The following CDH20 variants were observed in gnomAD, a reference collection of about 807,000 sequenced individuals.
CDH20 encodes the protein cadherin 20.
Under a neutral mutation model 74.2 loss-of-function variants are expected in CDH20, and 29 were observed. That is an observed-to-expected ratio of 0.39 (90% CI 0.29 to 0.53). The LOEUF is 0.53. CDH20 is among the 20% of genes least tolerant of loss of function. CDH20 has a pLI of 0.69. For synonymous variants in CDH20, 469 were observed against 405.4 expected (o/e 1.16, Z -1.88); for missense variants, 988 against 1,048.3 (o/e 0.94, Z 0.79).
chr18:61,471,697 G>A (rs72993709), intron 1 of CDH20, among the ~76,000 whole-genome samples: 1 of 152,050 alleles, frequency 6.6e-6, no homozygotes, highest in African/African-American at 2.4e-5. Context: ...AATCCCCAAT[G>A]ATATTACCTC....
chr18:61,522,294 A>G (rs1375013937), intron 6 of CDH20, among the ~76,000 whole-genome samples: 1 of 152,234 alleles, frequency 6.6e-6, no homozygotes, highest in Non-Finnish European at 1.5e-5. Flanking sequence ...GAGCCAAATC[A>G]TGAGTGAACT....
chr18:61,464,365 C>G (rs1439403278), intron 1 of CDH20, among the ~76,000 whole-genome samples: 1 of 151,940 alleles, frequency 6.6e-6, no homozygotes, highest in Non-Finnish European at 1.5e-5. Flanking sequence ...TTTTCCTGTC[C>G]AAACCTAGTC....
At chr18:61,400,582 G>C (rs554581330) in intron 1 of CDH20, among the ~76,000 whole-genome samples, 1 of 152,296 alleles carries the variant, frequency 6.6e-6, no homozygotes, top group South Asian at 2.1e-4. Context: ...TTGAAAAAGA[G>C]ACAAAGGGAA....
chr18:61,476,166 G>A (rs1374312754), intron 1 of CDH20, among the ~76,000 whole-genome samples: 1 of 152,134 alleles, frequency 6.6e-6, no homozygotes, highest in African/African-American at 2.4e-5. Context: ...ATAACCAAGA[G>A]AATGCCGCAG....
chr18:61,432,121 G>A (rs1453610757), intron 1 of CDH20, among the ~76,000 whole-genome samples: 2 of 151,478 alleles, frequency 1.3e-5, no homozygotes, highest in Middle Eastern at 3.2e-3. Context: ...GGTGGCGGGC[G>A]CCTGTAATCC....
intron 2 of CDH20, among the ~76,000 whole-genome samples, chr18:61,494,344 T>C (rs1284994853): frequency 1.3e-5 from 2 of 152,182 alleles, no homozygotes; most frequent in Non-Finnish European, 2.9e-5. Context: ...AGTTCTTAGC[T>C]GTGTAGCACC....
rs745687199 is a variant in CDH20 at position 61,554,464 on chromosome 18, C to T, written c.2175C>T (p.Tyr725=). Residue 725 remains tyrosine, a synonymous_variant, in exon 12 of 12, where the codon TAC becomes TAT. Coordinates refer to ENST00000262717, the MANE Select transcript of CDH20 (RefSeq NM_031891.4). The part of the protein sequence containing the change: ...TCAVNSTVHS[Y]VLAKLYEADM... ...CAGTGAACAGCACTGTCCACAGCTA[C>T]GTGCTGGCCAAGCTCTACGAGGCCG... The T allele has an allele frequency of 6.2e-7, 1 of 1,613,140 alleles. No individual in the cohort carries two copies. The highest frequency in any genetic ancestry group is 8.5e-7 in the Non-Finnish European group (1 of 1,179,912).
intron 1 of CDH20, among the ~76,000 whole-genome samples, chr18:61,462,301 A>G (rs1382576744): frequency 6.6e-6 from 1 of 152,174 alleles, no homozygotes; most frequent in Non-Finnish European, 1.5e-5. Context: ...TAAATATATT[A>G]CAATTATAAT....
intron 2 of CDH20, among the ~76,000 whole-genome samples, chr18:61,497,407 T>C (rs1358012491): frequency 6.6e-6 from 1 of 152,208 alleles, no homozygotes; most frequent in East Asian, 1.9e-4. Flanking sequence ...GTGTTCATGC[T>C]GTTTAATCCT....
At chr18:61,510,980 C>CTTTTTTTTTTTTTTTTTTT (rs112741210) in intron 6 of CDH20, among the ~76,000 whole-genome samples, 3 of 136,006 alleles carry the variant, frequency 2.2e-5, no homozygotes, top group Non-Finnish European at 4.7e-5. Context: ...TTCTTTCTTT[C>CTTTTTTTTTTTTTTTTTTT]TTTTTTTTTT....
intron 1 of CDH20, among the ~76,000 whole-genome samples, chr18:61,419,372 A>T (rs1456485424): frequency 1.3e-5 from 2 of 152,200 alleles, no homozygotes; most frequent in Non-Finnish European, 2.9e-5. Context: ...AGGGCAATTA[A>T]TAAAATTGCT....
At chr18:61,454,584 A>T (rs1909508892) in intron 1 of CDH20, among the ~76,000 whole-genome samples, 1 of 152,206 alleles carries the variant, frequency 6.6e-6, no homozygotes, top group Non-Finnish European at 1.5e-5. Context: ...AAAGATAAAA[A>T]TTTCTGCCTT....
intron 1 of CDH20, among the ~76,000 whole-genome samples, chr18:61,431,807 G>A (rs192286527): frequency 8.7e-4 from 133 of 152,206 alleles, no homozygotes; most frequent in African/African-American, 3.1e-3. Flanking sequence ...TCCTTTATCT[G>A]GTTTTTGTAG....
At chr18:61,432,236 C>T (rs1913279434) in intron 1 of CDH20, among the ~76,000 whole-genome samples, 1 of 136,314 alleles carries the variant, frequency 7.3e-6, no homozygotes, top group South Asian at 2.3e-4. Context: ...AAGAACAAAA[C>T]TCTATCTCAA....
At chr18:61,546,769 G>GT (rs1913265224) in intron 10 of CDH20, among the ~76,000 whole-genome samples, 2 of 152,206 alleles carry the variant, frequency 1.3e-5, no homozygotes, top group Admixed American at 1.3e-4. Flanking sequence ...GATGACTATA[G>GT]TAAGACGTGA....
At chr18:61,381,951 C>A (rs564455486) in intron 1 of CDH20, among the ~76,000 whole-genome samples, 1 of 152,262 alleles carries the variant, frequency 6.6e-6, no homozygotes, top group East Asian at 1.9e-4. Flanking sequence ...CTGTCCTTGA[C>A]CCTTCTGTCA....
rs544669795 is a variant in CDH20, at chr18:61,471,411, A to G, written c.-152-18991A>G. ...GAAATTATATCTCCCAGCAAAAGTC[A>G]TTTATTTCAAAGGATAAGTAATATA... On this transcript the variant is annotated intron_variant, in intron 1 of 11. Transcript: ENST00000262717. 2.0e-5 allele frequency among the ~76,000 whole-genome samples: 3 copies of G among 152,336 alleles called. No homozygotes were observed. The South Asian group carries it at 6.2e-4, about 32-fold the overall frequency.
chr18:61,345,424 G>A (rs1017960789), intron 1 of CDH20, among the ~76,000 whole-genome samples: 7 of 152,196 alleles, frequency 4.6e-5, no homozygotes, highest in African/African-American at 7.2e-5. Flanking sequence ...TTCTTCACCT[G>A]TCAGTGACCA....
At chr18:61,439,727 T>C (rs1327722368) in intron 1 of CDH20, among the ~76,000 whole-genome samples, 2 of 152,104 alleles carry the variant, frequency 1.3e-5, no homozygotes, top group Non-Finnish European at 2.9e-5. Flanking sequence ...ATTTTTATTA[T>C]ACTGCAAACC....
Sources: gnomAD v4.1 joint callset for allele counts (sites outside exome capture counted in the v4.1 genomes callset) on GRCh38, gnomAD v4.1.1 for gene constraint, MANE v1.5 for transcripts, NCBI Gene and HGNC (gene_info 2026-07-23, HGNC 2026-07-21) for gene names.